The following SEMA4G variants were observed in gnomAD, a reference collection of about 807,000 sequenced individuals.
SEMA4G encodes the protein semaphorin 4G.
A neutral mutation model predicts 81.2 loss-of-function variants in SEMA4G; 59 were observed. The observed-to-expected ratio is 0.73, with a 90% CI of 0.59 to 0.90. SEMA4G has a LOEUF of 0.90. SEMA4G is among the 40% of genes least tolerant of loss of function. The pLI is 0.00. For synonymous variants in SEMA4G, 404 were observed against 433.9 expected (o/e 0.93, Z 0.86); for missense variants, 952 against 1,102.3 (o/e 0.86, Z 1.93).
downstream of SEMA4G, chr10:100,984,852 AATCAGC>A (rs1437134295): frequency 6.6e-5 from 99 of 1,499,692 alleles, 2 homozygotes; most frequent in East Asian, 9.9e-4. Context: ...GGCCCTTGTG[AATCAGC>A]CTCCCCACTC....
At position 100,980,349 on chromosome 10, in the gene SEMA4G, T is replaced by C; in HGVS notation, c.1351+5T>C. ...ACCTGCTCTTTCTGGGCACAGGTGC[T>C]TCTGATCCCAATCCCTGATCCCTGT... is the stretch of plus-strand genomic sequence containing the variant. On this transcript the variant is annotated splice_donor_5th_base_variant and intron_variant, in intron 10 of 13. Transcript: ENST00000370250. The C allele has an allele frequency of 1.2e-6, 2 of 1,611,712 alleles. No homozygotes were observed. Among genetic ancestry groups the C allele is most frequent in the Non-Finnish European group, 1.7e-6 (2 of 1,177,842 alleles).
chr10:100,984,444 T>C, exon 14 of SEMA4G: 6 of 1,503,460 alleles, frequency 4.0e-6, no homozygotes, highest in Non-Finnish European at 3.5e-6. Context: ...GAGGACTCCA[T>C]CCTCCTGTTC....
At chr10:100,985,127 T>C, downstream of SEMA4G, 1 of 447,362 alleles carries the variant, frequency 2.2e-6, no homozygotes, top group Non-Finnish European at 3.9e-6. Flanking sequence ...TGAGCCAGCC[T>C]CTCTTTTGGG....
At position 100,978,925 on chromosome 10, in the gene SEMA4G, C is replaced by G; in HGVS notation, c.720C>G (p.Tyr240Ter). Reference sequence around the variant, plus strand: ...TGGGTGATGATGACAAGGTGTACTACTTCTTCACGGAGCGTGCCACTGAGG... The same window carrying G: ...TGGGTGATGATGACAAGGTGTACTAGTTCTTCACGGAGCGTGCCACTGAGG... Residue 240 changes from tyrosine (Y) to a stop codon, truncating the protein, a stop_gained, in exon 7 of 14, where the codon TAC becomes TAG. Coordinates refer to ENST00000370250, the Ensembl canonical transcript of SEMA4G. LOFTEE classifies it high-confidence loss of function. 6.2e-7 allele frequency: 1 copy of G among 1,614,208 alleles called. No homozygotes were observed. Among genetic ancestry groups the G allele is most frequent in the Non-Finnish European group, 8.5e-7 (1 of 1,180,040 alleles).
In SEMA4G at chr10:100,979,942, C is replaced by T. The variant is rs988692457; in HGVS notation, c.1078C>T (p.Arg360Trp). 5.0e-6 allele frequency: 8 copies of T among 1,614,060 alleles called. No homozygotes were observed. The highest frequency in any genetic ancestry group is 1.7e-5 in the Admixed American group (1 of 60,018). Residue 360 changes from arginine to tryptophan, a missense_variant, in exon 9 of 14, where the codon CGG becomes TGG. Transcript: ENST00000370250. ...CTATATGGAATACCAGGATGGTTCCCGGCGCTGGGGTCGCTATGAGGGTGG... is the reference window on the plus strand; with the variant it reads ...CTATATGGAATACCAGGATGGTTCCTGGCGCTGGGGTCGCTATGAGGGTGG...
In SEMA4G at chr10:100,979,955, G is replaced by A. The variant is rs199677082; in HGVS notation, c.1091G>A (p.Arg364His). 156 of 1,613,990 alleles carry A rather than the reference G, an allele frequency of 9.7e-5. No homozygotes were observed. In the Middle Eastern group the frequency reaches 9.9e-4, roughly 10 times the overall value. The change falls in exon 9 of 14, where the codon CGC (arginine) becomes CAC (histidine). Residue 364 changes from arginine to histidine, a missense_variant. Physicochemically the swap from Arg to His is conservative, Grantham distance 29. This residue lies in a region of SEMA4G where 436 missense variants were observed against 488.2 expected (regional missense o/e 0.89). Transcript: ENST00000370250. ...CAGGATGGTTCCCGGCGCTGGGGTC[G>A]CTATGAGGGTGGGGTGCCTGAGCCC...
exon 6 of SEMA4G, chr10:100,978,589 C>T (rs534321099): frequency 6.8e-6 from 11 of 1,613,996 alleles, no homozygotes; most frequent in Admixed American, 1.7e-5. Flanking sequence ...CCGCCGGAGC[C>T]GCCACCCACA....
exon 6 of SEMA4G, chr10:100,978,607 A>C: frequency 6.2e-7 from 1 of 1,614,114 alleles, no homozygotes. Flanking sequence ...ACACTCCCTG[A>C]GAACTGAGGA....
upstream of SEMA4G, among the ~76,000 whole-genome samples, chr10:100,970,184 G>T (rs1436482423): frequency 6.6e-6 from 1 of 152,096 alleles, no homozygotes; most frequent in Non-Finnish European, 1.5e-5. Context: ...GAGTTCAGGG[G>T]GCTGGCCCTG....
At chr10:100,980,677 T>C in exon 11 of SEMA4G, 1 of 1,613,788 alleles carries the variant, frequency 6.2e-7, no homozygotes, top group Non-Finnish European at 8.5e-7. Context: ...GAAAATCTAG[T>C]CATCTCTCTA....
At chr10:100,981,193 A>G (rs1851053643) in exon 13 of SEMA4G, 2 of 1,614,102 alleles carry the variant, frequency 1.2e-6, no homozygotes, top group East Asian at 4.5e-5. Context: ...GGACATAGAG[A>G]GAGGAAATCG....
At chr10:100,985,203 T>C (rs1222315298), downstream of SEMA4G, 1 of 312,366 alleles carries the variant, frequency 3.2e-6, no homozygotes, top group Non-Finnish European at 5.9e-6. Context: ...ATGTCTCAAC[T>C]GGCACATGAA....
chr10:100,978,246 G>A (rs1161402125), intron 4 of SEMA4G, 49 bp from the exon 6 acceptor site: 1 of 1,429,252 alleles, frequency 7.0e-7, no homozygotes, highest in Non-Finnish European at 9.8e-7. Flanking sequence ...TTGAGCCACT[G>A]TCCCTGCCTG....
At chr10:100,982,286 A>C (rs1251869240) in intron 13 of SEMA4G, among the ~76,000 whole-genome samples, 3 of 152,116 alleles carry the variant, frequency 2.0e-5, no homozygotes, top group Admixed American at 2.0e-4. Flanking sequence ...GGCAAAGGCC[A>C]TGTTGAAGAT....
upstream of SEMA4G, chr10:100,969,927 T>C (rs1396829740): frequency 1.8e-5 from 8 of 454,916 alleles, no homozygotes; most frequent in Non-Finnish European, 2.7e-5. Context: ...AGACTGAGGT[T>C]AGACCTGACG....
chr10:100,981,290 C>A, intron 13 of SEMA4G, 61 bp downstream of exon 14: 1 of 1,596,648 alleles, frequency 6.3e-7, no homozygotes, highest in Admixed American at 1.7e-5. Flanking sequence ...CCATTTACTG[C>A]CATGTGTACG....
downstream of SEMA4G, chr10:100,985,057 C>A: frequency 2.6e-6 from 2 of 758,410 alleles, no homozygotes; most frequent in Non-Finnish European, 4.0e-6. Context: ...GGAGATCCCC[C>A]TCCCATTTAA....
At chr10:100,980,278 C>T (rs752037569) in exon 10 of SEMA4G, 2 of 1,614,252 alleles carry the variant, frequency 1.2e-6, no homozygotes, top group Non-Finnish European at 1.7e-6. Context: ...ACGCTACACA[C>T]ACCTTACAGG....
At position 100,973,453 on chromosome 10, in the gene SEMA4G, C is replaced by A; in HGVS notation, c.274-94C>A. On this transcript the variant is annotated intron_variant, in intron 2 of 13. Coordinates refer to ENST00000370250, the Ensembl canonical transcript of SEMA4G. This position sits in a 1 kb window ranked among gnomAD's most constrained non-coding sequence, Gnocchi z 5.5. ...TTCCTCCTGAAATTGATCCCCACCC[C>A]AATTTCCCCAACTCTGTGGGGTCCT... is the stretch of plus-strand genomic sequence containing the variant. 1 of 1,453,132 alleles carries A rather than the reference C, an allele frequency of 6.9e-7. No homozygotes were observed. Among genetic ancestry groups the A allele is most frequent in the Non-Finnish European group, 9.5e-7 (1 of 1,047,650 alleles). The allele number at this position is 1,453,132 out of a possible 1,614,324, so 90.0% of individuals were successfully genotyped here.
Sources: gnomAD v4.1 joint callset for allele counts (sites outside exome capture counted in the v4.1 genomes callset) on GRCh38, gnomAD v4.1.1 for gene constraint, gnomAD v4.1.1 regional missense constraint, Gnocchi (gnomAD v3.1) non-coding constraint, MANE v1.5 for transcripts, NCBI Gene and HGNC (gene_info 2026-07-23, HGNC 2026-07-21) for gene names.